The following SDK1 variants were observed in gnomAD, a reference collection of about 807,000 sequenced individuals.
SDK1 encodes the protein protein sidekick-1.
Under a neutral mutation model 245.5 loss-of-function variants are expected in SDK1, and 157 were observed. The ratio of observed to expected loss-of-function variants is 0.64; its 90% confidence interval spans 0.56 to 0.73. SDK1 has a LOEUF of 0.73. Ranked by LOEUF, SDK1 falls within the 30% of genes least tolerant of loss-of-function variation. The pLI is 0.00. For synonymous variants in SDK1, 1,647 were observed against 1,278.5 expected (o/e 1.29, Z -6.15); for missense variants, 3,583 against 3,002.3 (o/e 1.19, Z -4.52).
intron 2 of SDK1, among the ~76,000 whole-genome samples, chr7:3,622,001 G>T (rs1477665720): frequency 6.6e-6 from 1 of 152,090 alleles, no homozygotes; most frequent in African/African-American, 2.4e-5. Context: ...CTTTGTGTTG[G>T]ATGATTTTGC....
intron 5 of SDK1, among the ~76,000 whole-genome samples, chr7:3,828,523 A>G (rs1779833341): frequency 1.3e-5 from 2 of 151,928 alleles, no homozygotes; most frequent in South Asian, 4.1e-4. Context: ...AATTTGTAAT[A>G]CTTTAAAAAA....
rs372525849 is a variant in SDK1 at position 4,158,615 on chromosome 7, C to T, written c.4729+64C>T. Reference sequence around the variant, plus strand: ...GCCCCTGGAGCCCGAGATACTTAGGCCACACTTTCGTCTTGAGCCAGAAAG... The same window carrying T: ...GCCCCTGGAGCCCGAGATACTTAGGTCACACTTTCGTCTTGAGCCAGAAAG... On this transcript the variant is annotated intron_variant, in intron 31 of 44. Transcript: ENST00000404826. 267 of 1,234,980 alleles carry T rather than the reference C, an allele frequency of 2.2e-4. 2 individuals are homozygous for T. In the African/African-American group the frequency reaches 3.5e-3, roughly 16 times the overall value. 76.5% of individuals were successfully genotyped at this position (1,234,980 alleles called of 1,614,324 possible).
intron 19 of SDK1, among the ~76,000 whole-genome samples, chr7:4,055,612 G>C (rs1245637194): frequency 6.6e-6 from 1 of 151,280 alleles, no homozygotes; most frequent in East Asian, 1.9e-4. Flanking sequence ...CTTCTTCATG[G>C]TCTCCTTCAT....
At chr7:4,192,001 C>T (rs1783238019) in intron 35 of SDK1, among the ~76,000 whole-genome samples, 1 of 152,208 alleles carries the variant, frequency 6.6e-6, no homozygotes, top group Non-Finnish European at 1.5e-5. Context: ...TGCTCCTCCT[C>T]TCCAGCCACA....
chr7:3,947,831 T>A (rs1444332287), intron 5 of SDK1, among the ~76,000 whole-genome samples: 2 of 152,108 alleles, frequency 1.3e-5, no homozygotes, highest in African/African-American at 4.8e-5. Flanking sequence ...TAAAATTGGC[T>A]AAAAACAAGA....
chr7:3,932,015 T>C (rs374967857), intron 5 of SDK1, among the ~76,000 whole-genome samples: 6 of 152,334 alleles, frequency 3.9e-5, no homozygotes, highest in South Asian at 2.1e-4. Flanking sequence ...TTGGTTTGGA[T>C]TGATAGTTTG....
At chr7:4,108,239 A>T (rs1783078721) in intron 22 of SDK1, among the ~76,000 whole-genome samples, 2 of 152,148 alleles carry the variant, frequency 1.3e-5, no homozygotes, top group South Asian at 2.1e-4. Flanking sequence ...GATGGGGGAT[A>T]GGGAGGCCTC....
chr7:4,050,434 G>C (rs1249871722), intron 18 of SDK1, among the ~76,000 whole-genome samples: 2 of 152,220 alleles, frequency 1.3e-5, no homozygotes, highest in African/African-American at 2.4e-5. Context: ...CTCCTGTCGA[G>C]TCTCGTTGGC....
At chr7:3,510,410 C>T (rs1486153472) in intron 1 of SDK1, among the ~76,000 whole-genome samples, 1 of 152,184 alleles carries the variant, frequency 6.6e-6, no homozygotes, top group Non-Finnish European at 1.5e-5. Flanking sequence ...TTGTGAGTCA[C>T]TGCCAAGGCA....
intron 5 of SDK1, among the ~76,000 whole-genome samples, chr7:3,828,409 C>T (rs10274618): frequency 0.17 from 25,906 of 151,612 alleles, 2,386 homozygotes; most frequent in Middle Eastern, 0.31. Flanking sequence ...TTTATATGAA[C>T]GAAATTTTAT....
At chr7:3,321,204 C>A (rs906828272) in intron 1 of SDK1, among the ~76,000 whole-genome samples, 60 of 152,272 alleles carry the variant, frequency 3.9e-4, no homozygotes, top group African/African-American at 1.3e-3. Context: ...CAAGATGATA[C>A]TATAGAATTT....
intron 1 of SDK1, among the ~76,000 whole-genome samples, chr7:3,428,658 C>T (rs1053624896): frequency 3.3e-5 from 5 of 152,068 alleles, no homozygotes; most frequent in African/African-American, 1.2e-4. Flanking sequence ...TTGGGCTAAC[C>T]ATGTAAGACT....
intron 28 of SDK1, among the ~76,000 whole-genome samples, chr7:4,141,274 A>T (rs1341816275): frequency 1.3e-5 from 2 of 152,184 alleles, no homozygotes; most frequent in Non-Finnish European, 2.9e-5. Context: ...GATAGAAAGG[A>T]GGGTCTGTAA....
rs577623949 is a variant in SDK1, at chr7:4,056,971, G to C, written c.2911+5141G>C. 7.9e-5 allele frequency among the ~76,000 whole-genome samples: 12 copies of C among 152,252 alleles called. No individual in the cohort carries two copies. The East Asian group carries it at 2.1e-3, about 27-fold the overall frequency. Reference sequence around the variant, plus strand: ...CCACCACTGCTGGCTGCTGCCACCAGAGGCAAAGCACAAACCATTGGCAGT... The same window carrying C: ...CCACCACTGCTGGCTGCTGCCACCACAGGCAAAGCACAAACCATTGGCAGT... On this transcript the variant is annotated intron_variant, in intron 19 of 44. Coordinates refer to ENST00000404826, the MANE Select transcript of SDK1 (RefSeq NM_152744.4).
At chr7:3,849,021 G>A (rs1419508025) in intron 5 of SDK1, among the ~76,000 whole-genome samples, 1 of 152,162 alleles carries the variant, frequency 6.6e-6, no homozygotes, top group Non-Finnish European at 1.5e-5. Context: ...ACCCCCTTGA[G>A]GCCCAGCGCA....
rs902759537 is a variant in SDK1 at position 4,268,178 on chromosome 7, C to G, written c.*2794C>G. On this transcript the variant is annotated 3_prime_UTR_variant, in exon 45 of 45. Transcript: ENST00000404826. ...ACAGCAGTGGCTGAGTCTCCCCACC[C>G]ACCCCCAACGTGGCTCATTTCAGAT... 1 of 987,028 alleles carries G rather than the reference C, an allele frequency of 1.0e-6. No homozygotes were observed. Among genetic ancestry groups the G allele is most frequent in the Non-Finnish European group, 1.2e-6 (1 of 831,032 alleles). 61.1% of individuals were successfully genotyped at this position (987,028 alleles called of 1,614,324 possible).
chr7:4,108,332 T>G (rs1783086015), intron 22 of SDK1, among the ~76,000 whole-genome samples: 1 of 152,208 alleles, frequency 6.6e-6, no homozygotes, highest in South Asian at 2.1e-4. Context: ...CTGTGGAACC[T>G]TAATCTATCC....
At position 3,314,246 on chromosome 7, in the gene SDK1, C is replaced by G. The variant is rs1349681537; in HGVS notation, c.298+12362C>G. Among the ~76,000 whole-genome samples, 4 of 152,172 alleles carry G rather than the reference C, an allele frequency of 2.6e-5. No individual in the cohort carries two copies. The East Asian group carries it at 5.8e-4, about 22-fold the overall frequency. ...AAAGATGAAGGATTCAGGTGGAAAG[C>G]TGCTGATCAACAGGAGTGAGGAACC... On this transcript the variant is annotated intron_variant, in intron 1 of 44. Coordinates refer to ENST00000404826, the MANE Select transcript of SDK1 (RefSeq NM_152744.4).
rs201499684 is a variant in SDK1 at position 4,076,865 on chromosome 7, T to C, written c.3011-133T>C. 90 of 700,682 alleles carry C rather than the reference T, an allele frequency of 1.3e-4. No individual in the cohort carries two copies. The East Asian group carries it at 2.4e-3, about 19-fold the overall frequency. 43.4% of individuals were successfully genotyped at this position (700,682 alleles called of 1,614,324 possible). A position where few individuals can be genotyped will look rare whatever the true frequency, so the allele number is the denominator to read the frequency against. ...CCTGTGTCTCATGTCAGTAGCACAGTGGCTCTAAGCTGCCTTCAGCACATC... is the reference window on the plus strand; with the variant it reads ...CCTGTGTCTCATGTCAGTAGCACAGCGGCTCTAAGCTGCCTTCAGCACATC... On this transcript the variant is annotated intron_variant, in intron 20 of 44. Transcript: ENST00000404826.
Sources: gnomAD v4.1 joint callset for allele counts (sites outside exome capture counted in the v4.1 genomes callset) on GRCh38, gnomAD v4.1.1 for gene constraint, MANE v1.5 for transcripts, NCBI Gene and HGNC (gene_info 2026-07-23, HGNC 2026-07-21) for gene names.